Variants in VGLL4 observed in about 807,000 individuals in gnomAD.
The protein encoded by VGLL4 is vestigial like family member 4, also known as transcription cofactor vestigial-like protein 4.
VGLL4 carries 7 observed loss-of-function variants against 21.0 expected under a neutral mutation model. The observed-to-expected ratio is 0.33, with a 90% CI of 0.19 to 0.63. The LOEUF is 0.63. Ranked by LOEUF, VGLL4 falls within the 20% of genes least tolerant of loss-of-function variation. VGLL4 has a pLI of 0.78. For missense variants in VGLL4, 394 were observed against 425.7 expected, an observed-to-expected ratio of 0.93 and a Z score of 0.66; for synonymous variants, 222 against 173.2, an observed-to-expected ratio of 1.28 and a Z score of -2.21.
intron 1 of VGLL4, among the ~76,000 whole-genome samples, chr3:11,706,993 G>A (rs564681247): frequency 2.5e-4 from 38 of 152,234 alleles, no homozygotes; most frequent in African/African-American, 7.0e-4. Flanking sequence ...GAGCTGGCCC[G>A]TGACATGATG....
intron 2 of VGLL4, among the ~76,000 whole-genome samples, chr3:11,656,593 G>A (rs141284234): frequency 5.9e-5 from 9 of 152,162 alleles, no homozygotes; most frequent in African/African-American, 2.2e-4. Context: ...AGTAGCTGAG[G>A]TCAGTAACTC....
At chr3:11,575,934 C>T (rs2074030495) in intron 2 of VGLL4, among the ~76,000 whole-genome samples, 1 of 152,220 alleles carries the variant, frequency 6.6e-6, no homozygotes, top group Non-Finnish European at 1.5e-5. Flanking sequence ...TGGCCAGCAG[C>T]GCGGAGCCCG....
At chr3:11,621,058 T>C (rs1451882201) in intron 1 of VGLL4, among the ~76,000 whole-genome samples, 1 of 152,208 alleles carries the variant, frequency 6.6e-6, no homozygotes, top group South Asian at 2.1e-4. Flanking sequence ...GAGCTAATAC[T>C]TTGCACAATA....
At chr3:11,560,252 T>G (rs1469337476) in intron 3 of VGLL4, among the ~76,000 whole-genome samples, 1 of 152,230 alleles carries the variant, frequency 6.6e-6, no homozygotes, top group Non-Finnish European at 1.5e-5. Flanking sequence ...CCAGGCAGTA[T>G]GTCTGGCCCC....
rs1369505083 is a variant in VGLL4 at position 11,719,563 on chromosome 3, C to T, written c.-14+831G>A. 1 of 151,596 alleles carries T rather than the reference C, an allele frequency of 6.6e-6. No individual in the cohort carries two copies. The highest frequency in any genetic ancestry group is 1.5e-5 in the Non-Finnish European group (1 of 67,830). 9.4% of individuals were successfully genotyped at this position (151,596 alleles called of 1,614,324 possible). A position where few individuals can be genotyped will look rare whatever the true frequency, so the allele number is the denominator to read the frequency against. On this transcript the variant is annotated intron_variant, in intron 1 of 5. Transcript: ENST00000273038. The surrounding 1 kb of genome is among the most constrained non-coding windows in gnomAD (Gnocchi z 4.0). ...TCGCGCCCGAGCCCCCGCACGGGCCCCCGCCAAACACGCACACGCACACGC... is the reference window on the plus strand; with the variant it reads ...TCGCGCCCGAGCCCCCGCACGGGCCTCCGCCAAACACGCACACGCACACGC...
At chr3:11,661,533 T>C (rs1483274836) in intron 2 of VGLL4, among the ~76,000 whole-genome samples, 1 of 151,954 alleles carries the variant, frequency 6.6e-6, no homozygotes, top group Non-Finnish European at 1.5e-5. Context: ...TGCAGTGGCA[T>C]GATCCTGGCT....
At chr3:11,680,675 CA>C (rs2076355450) in intron 2 of VGLL4, among the ~76,000 whole-genome samples, 1 of 152,222 alleles carries the variant, frequency 6.6e-6, no homozygotes, top group Non-Finnish European at 1.5e-5. Context: ...GTGCACGACT[CA>C]CTCCAGACAG....
At chr3:11,647,947 T>C (rs571137316), upstream of VGLL4, among the ~76,000 whole-genome samples, 96 of 151,552 alleles carry the variant, frequency 6.3e-4, no homozygotes, top group African/African-American at 2.3e-3. Context: ...AGAAACACCA[T>C]GTAGATTCTG....
At chr3:11,573,302 AGAAAGGAAGG>A (rs1559869980) in intron 2 of VGLL4, among the ~76,000 whole-genome samples, 2 of 10,474 alleles carry the variant, frequency 1.9e-4, no homozygotes, top group Admixed American at 1.1e-3. Flanking sequence ...AAAGAAAGAA[AGAAAGGAAGG>A]AAGGAAGAAA....
intron 1 of VGLL4, among the ~76,000 whole-genome samples, chr3:11,637,883 G>C (rs985036181): frequency 9.2e-5 from 14 of 152,138 alleles, no homozygotes; most frequent in Non-Finnish European, 1.6e-4. Flanking sequence ...AACTGTTTTG[G>C]AATACAATGC....
chr3:11,683,342 A>G (rs2076402435), intron 2 of VGLL4, among the ~76,000 whole-genome samples: 1 of 152,224 alleles, frequency 6.6e-6, no homozygotes, highest in Non-Finnish European at 1.5e-5. Context: ...TGGGATAATA[A>G]ATTAGTACAA....
Position 11,665,266 on chromosome 3 carries a change from A to G in VGLL4, c.64+37705T>C, listed in dbSNP as rs4571227. On this transcript the variant is annotated intron_variant, in intron 2 of 5. Transcript: ENST00000273038. ...GTAGCTGGGACTACAGGCGCCTGCC[A>G]CCACGCCTGGCTAATTTTTTGTATT... Among the ~76,000 whole-genome samples the G allele has an allele frequency of 1.0e-4, 15 of 150,646 alleles. No individual in the cohort carries two copies. In the East Asian group the frequency reaches 2.9e-3, roughly 29 times the overall value.
chr3:11,678,071 G>A (rs2125376832), intron 2 of VGLL4, among the ~76,000 whole-genome samples: 1 of 151,628 alleles, frequency 6.6e-6, no homozygotes, highest in Non-Finnish European at 1.5e-5. Context: ...TTGTTTTTGA[G>A]GCAATAGAGT....
intron 2 of VGLL4, among the ~76,000 whole-genome samples, chr3:11,570,532 G>A (rs574841145): frequency 8.5e-5 from 13 of 152,268 alleles, no homozygotes; most frequent in Admixed American, 2.6e-4. Flanking sequence ...GGCTCCGCAC[G>A]GGTGACCACA....
At chr3:11,662,254 C>G (rs2076049144) in intron 2 of VGLL4, among the ~76,000 whole-genome samples, 2 of 152,160 alleles carry the variant, frequency 1.3e-5, no homozygotes, top group South Asian at 4.1e-4. Context: ...GCCCACCAGA[C>G]CTTCAGACTT....
At chr3:11,616,000 C>CGA (rs1461510354) in intron 1 of VGLL4, among the ~76,000 whole-genome samples, 2 of 152,218 alleles carry the variant, frequency 1.3e-5, no homozygotes, top group Non-Finnish European at 2.9e-5. Flanking sequence ...AGGAAGTCTT[C>CGA]GAACGTGGCC....
intron 2 of VGLL4, among the ~76,000 whole-genome samples, chr3:11,579,232 A>C (rs2074155419): frequency 6.6e-6 from 1 of 151,838 alleles, no homozygotes; most frequent in Admixed American, 6.6e-5. Context: ...AAAAAAAAAA[A>C]AACCAGACTG....
chr3:11,629,040 G>C (rs1263792320), intron 1 of VGLL4, among the ~76,000 whole-genome samples: 2 of 152,106 alleles, frequency 1.3e-5, no homozygotes, highest in Admixed American at 1.3e-4. Flanking sequence ...TGATGCCATA[G>C]CTATAGGAAA....
upstream of VGLL4, chr3:11,721,307 T>C (rs1399276716): frequency 6.6e-6 from 1 of 152,230 alleles, no homozygotes; most frequent in Non-Finnish European, 1.5e-5. Flanking sequence ...CCCTGTTGGA[T>C]ATGCAAAGAC....
Sources: allele counts gnomAD v4.1 joint callset (sites outside exome capture counted in the v4.1 genomes callset), GRCh38; gene constraint gnomAD v4.1.1; non-coding constraint Gnocchi (gnomAD v3.1); transcripts MANE v1.5; gene names NCBI Gene and HGNC (gene_info 2026-07-23, HGNC 2026-07-21).